Variants in NBEAL1 observed in about 807,000 individuals in gnomAD.
NBEAL1 encodes neurobeachin like 1, also known as neurobeachin-like protein 1.
NBEAL1 carries 273 observed loss-of-function variants against 351.3 expected under a neutral mutation model. That is an observed-to-expected ratio of 0.78 (90% CI 0.70 to 0.86). The LOEUF is 0.86. NBEAL1 is among the 40% of genes least tolerant of loss of function. The probability of loss-of-function intolerance (pLI) is 0.00; values close to 1 mark genes in which losing one functional copy is unlikely to be tolerated. For missense variants in NBEAL1, 2,961 were observed against 3,201.3 expected (o/e 0.92, Z 1.81); for synonymous variants, 1,050 against 1,086.4 (o/e 0.97, Z 0.66).
intron 12 of NBEAL1, among the ~76,000 whole-genome samples, chr2:203,103,581 T>C (rs2062373983): frequency 6.6e-6 from 1 of 152,118 alleles, no homozygotes; most frequent in Non-Finnish European, 1.5e-5. Context: ...CTATCTTTCG[T>C]ATGGTTTTTG....
intron 31 of NBEAL1, among the ~76,000 whole-genome samples, chr2:203,142,346 G>A (rs1177530216): frequency 6.6e-6 from 1 of 152,094 alleles, no homozygotes; most frequent in Non-Finnish European, 1.5e-5. Context: ...AGTAGAGATG[G>A]CATTTCGCCA....
In NBEAL1 at chr2:203,077,554, C is replaced by T. The variant is rs562225566; in HGVS notation, c.599-198C>T. Reference sequence around the variant, plus strand: ...GAATTATGAGAACTAAGTGAGATGACGTAAATACCTAAAATGCTATCTGGT... The same window carrying T: ...GAATTATGAGAACTAAGTGAGATGATGTAAATACCTAAAATGCTATCTGGT... On this transcript the variant is annotated intron_variant, in intron 7 of 55. Coordinates refer to ENST00000683969, the MANE Select transcript of NBEAL1 (RefSeq NM_001378026.1). Among the ~76,000 whole-genome samples, 43 of 152,218 alleles carry T rather than the reference C, an allele frequency of 2.8e-4. 1 individual carries two copies. Among genetic ancestry groups the T allele is most frequent in the Admixed American group, 2.4e-3 (37 of 15,294 alleles).
rs2063199588 is a variant in NBEAL1, at chr2:203,136,087, C to G, written c.4224C>G (p.Asp1408Glu). 6.2e-7 allele frequency: 1 copy of G among 1,614,002 alleles called. No homozygotes were observed. The highest frequency in any genetic ancestry group is 8.5e-7 in the Non-Finnish European group (1 of 1,180,024). The change falls in exon 28 of 56, where the codon GAC becomes GAG. Residue 1408 changes from aspartate to glutamate, a missense_variant. Transcript: ENST00000683969. ...SHLSLDLSGI[D>E]SCEMSDSGSQ... ...TGAGTTTAGACCTCAGTGGAATTGA[C>G]TCATGTGAAATGAGTGATAGTGGAA...
Position 203,188,585 on chromosome 2 carries a change from T to C in NBEAL1, c.6819T>C (p.Tyr2273=), listed in dbSNP as rs774072892. The C allele has an allele frequency of 1.9e-6, 3 of 1,564,328 alleles. No individual in the cohort carries two copies. The South Asian group carries it at 3.4e-5, about 18-fold the overall frequency. Residue 2273 remains tyrosine, a synonymous_variant, in exon 45 of 56, where the codon TAT becomes TAC. Coordinates refer to ENST00000683969, the MANE Select transcript of NBEAL1 (RefSeq NM_001378026.1). ...EALNVFYYCS[Y]EGAVDLDALT... ...TCAACGTTTTCTATTATTGTAGTTATGAAGGTATAAATCTATACACTTTTT... is the reference window on the plus strand; with the variant it reads ...TCAACGTTTTCTATTATTGTAGTTACGAAGGTATAAATCTATACACTTTTT...
Position 203,169,747 on chromosome 2 carries a change from G to A in NBEAL1, c.5998G>A (p.Val2000Ile). The A allele has an allele frequency of 1.3e-6, 2 of 1,583,194 alleles. No homozygotes were observed. Among genetic ancestry groups the A allele is most frequent in the Non-Finnish European group, 8.6e-7 (1 of 1,163,232 alleles). The change falls in exon 39 of 56, where the codon GTT becomes ATT. Residue 2000 changes from valine to isoleucine, a missense_variant and splice_region_variant. Val to Ile is a conservative substitution (Grantham distance 29). Coordinates refer to ENST00000683969, the MANE Select transcript of NBEAL1 (RefSeq NM_001378026.1). The part of the protein sequence containing the change: ...SNYFLNFKKE[V>I]RNKIYSRLLS... ...AAGTATAAAATGCTGTTTTTTATAG[G>A]TTAGAAACAAAATATATAGCCGACT...
chr2:203,105,775 A>G (rs1478511210), intron 12 of NBEAL1, among the ~76,000 whole-genome samples: 2 of 152,202 alleles, frequency 1.3e-5, no homozygotes, highest in African/African-American at 4.8e-5. Context: ...AAAGACATTA[A>G]TGATTGAACT....
chr2:203,042,417 G>A (rs1274619346), intron 3 of NBEAL1, among the ~76,000 whole-genome samples: 1 of 152,164 alleles, frequency 6.6e-6, no homozygotes, highest in Non-Finnish European at 1.5e-5. Flanking sequence ...TGCCCTTCCT[G>A]AACATCAGCG....
At chr2:203,143,327 G>A (rs895341628) in intron 31 of NBEAL1, among the ~76,000 whole-genome samples, 3 of 146,142 alleles carry the variant, frequency 2.1e-5, no homozygotes, top group Non-Finnish European at 2.9e-5. Context: ...TATATTACTC[G>A]GGAATTTTAA....
At chr2:203,128,018 A>G (rs534147865) in intron 24 of NBEAL1, 81 bp downstream of exon 24, 1 of 1,080,162 alleles carries the variant, frequency 9.3e-7, no homozygotes, top group Admixed American at 2.6e-5. Context: ...GTTTGTGTCT[A>G]GTTAAATATT....
At chr2:203,151,951 T>C (rs890323296) in intron 35 of NBEAL1, among the ~76,000 whole-genome samples, 15 of 151,976 alleles carry the variant, frequency 9.9e-5, no homozygotes, top group African/African-American at 2.9e-4. Context: ...GCAATCCTTT[T>C]TTTTCTTTTC....
At chr2:203,077,974 C>T in intron 8 of NBEAL1, 137 bp downstream of exon 8, 1 of 424,400 alleles carries the variant, frequency 2.4e-6, no homozygotes, top group South Asian at 1.2e-4. Flanking sequence ...TGTAACTAAT[C>T]TACTTCTTTT....
intron 38 of NBEAL1, among the ~76,000 whole-genome samples, 177 bp from the exon 39 acceptor site, chr2:203,169,570 C>T (rs1056188579): frequency 6.6e-6 from 1 of 151,960 alleles, no homozygotes; most frequent in Non-Finnish European, 1.5e-5. Context: ...CAAGATCACA[C>T]CACTGCACTC....
At chr2:203,101,888 A>G (rs946508707) in intron 12 of NBEAL1, among the ~76,000 whole-genome samples, 4 of 152,174 alleles carry the variant, frequency 2.6e-5, no homozygotes, top group Non-Finnish European at 5.9e-5. Context: ...GAGCCCCCAC[A>G]CCAGCCCAGG....
chr2:203,138,696 C>T lies in NBEAL1; in HGVS notation c.4796C>T (p.Ser1599Phe). The change falls in exon 31 of 56, where the codon TCT (serine) becomes TTT (phenylalanine). Residue 1599 changes from serine (S) to phenylalanine (F), a missense_variant. Ser to Phe is a radical substitution (Grantham distance 155). Coordinates refer to ENST00000683969, the MANE Select transcript of NBEAL1 (RefSeq NM_001378026.1). ...YSESPVWVKL[S>F]QIQIQLLLGF... ...GAAAGTCCAGTATGGGTAAAACTCT[C>T]TCAAATTCAGATCCAGTTGCTTCTA... 6.2e-7 allele frequency: 1 copy of T among 1,613,252 alleles called. No individual in the cohort carries two copies. The highest frequency in any genetic ancestry group is 8.5e-7 in the Non-Finnish European group (1 of 1,179,700).
intron 36 of NBEAL1, among the ~76,000 whole-genome samples, chr2:203,162,674 G>A (rs2064003473): frequency 6.6e-6 from 1 of 152,136 alleles, no homozygotes; most frequent in Non-Finnish European, 1.5e-5. Context: ...AGCCTGGAAG[G>A]TGGAGGTTAC....
intron 6 of NBEAL1, among the ~76,000 whole-genome samples, chr2:203,065,760 A>AG (rs1198419841): frequency 2.0e-5 from 3 of 152,148 alleles, no homozygotes; most frequent in African/African-American, 7.2e-5. Flanking sequence ...TCAGAAAAAA[A>AG]AAAAGAAGCC....
intron 2 of NBEAL1, among the ~76,000 whole-genome samples, chr2:203,021,980 G>A (rs1232284789): frequency 6.6e-6 from 1 of 151,646 alleles, no homozygotes; most frequent in Non-Finnish European, 1.5e-5. Flanking sequence ...GAATCCGGGA[G>A]GCAGAAGTTG....
chr2:203,093,867 A>C (rs1200974671), intron 10 of NBEAL1, among the ~76,000 whole-genome samples: 1 of 152,110 alleles, frequency 6.6e-6, no homozygotes, highest in Non-Finnish European at 1.5e-5. Flanking sequence ...ACAATAAAAA[A>C]AACAGGGAAA....
intron 35 of NBEAL1, among the ~76,000 whole-genome samples, chr2:203,152,599 C>T (rs2063687069): frequency 6.6e-6 from 1 of 151,708 alleles, no homozygotes; most frequent in South Asian, 2.1e-4. Flanking sequence ...TCAAAACAAA[C>T]AAAAATTTTG....
Sources: gnomAD v4.1 joint callset for allele counts (sites outside exome capture counted in the v4.1 genomes callset) on GRCh38, gnomAD v4.1.1 for gene constraint, MANE v1.5 for transcripts, NCBI Gene and HGNC (gene_info 2026-07-23, HGNC 2026-07-21) for gene names.